Variants in COMMD1 observed in about 807,000 individuals in gnomAD.
COMMD1 encodes COMM domain-containing protein 1.
COMMD1 carries 10 observed loss-of-function variants against 17.2 expected under a neutral mutation model. The observed-to-expected ratio is 0.58, with a 90% confidence interval of 0.36 to 0.99. The LOEUF (loss-of-function observed/expected upper bound fraction) is 0.99, where lower values mean the gene tolerates loss of function less well. Ranked by LOEUF, COMMD1 falls within the 50% of genes least tolerant of loss-of-function variation. The probability of loss-of-function intolerance (pLI) is 0.01; values close to 1 mark genes in which losing one functional copy is unlikely to be tolerated. For synonymous variants in COMMD1, 97 were observed against 91.6 expected, an observed-to-expected ratio of 1.06 and a Z score of -0.34; for missense variants, 270 against 231.8, an observed-to-expected ratio of 1.17 and a Z score of -1.07.
At chr2:61,948,137 G>A (rs1330069321) in intron 1 of COMMD1, among the ~76,000 whole-genome samples, 1 of 151,986 alleles carries the variant, frequency 6.6e-6, no homozygotes, top group Admixed American at 6.6e-5. Context: ...TATTTTTGTT[G>A]TGTTTTTGTC....
chr2:62,132,079 G>A (rs758705865), intron 2 of COMMD1, among the ~76,000 whole-genome samples: 1 of 151,836 alleles, frequency 6.6e-6, no homozygotes, highest in Non-Finnish European at 1.5e-5. Flanking sequence ...AATAAAGATG[G>A]GGTTTCACCA....
chr2:61,928,749 G>A (rs1173681989), intron 1 of COMMD1: 4 of 152,156 alleles, frequency 2.6e-5, no homozygotes, highest in South Asian at 4.1e-4. Flanking sequence ...AGCCAAAGCA[G>A]TAAGGTCTCT....
chr2:62,065,527 T>C (rs746418829), intron 2 of COMMD1, among the ~76,000 whole-genome samples: 47 of 151,988 alleles, frequency 3.1e-4, no homozygotes, highest in Non-Finnish European at 4.3e-4. Context: ...GTCTCATATG[T>C]TGCCCAGCAT....
At chr2:61,906,009 C>T in intron 1 of COMMD1, 151 bp downstream of exon 1, 1 of 756,538 alleles carries the variant, frequency 1.3e-6, no homozygotes, top group Non-Finnish European at 2.3e-6. Flanking sequence ...CGGGCTCCTT[C>T]AGATTTGCTC....
chr2:62,055,456 G>A (rs1670667469), intron 2 of COMMD1: 1 of 455,930 alleles, frequency 2.2e-6, no homozygotes, highest in Admixed American at 2.3e-5. Flanking sequence ...TGCAACCAGT[G>A]ATTCACATTC....
intron 1 of COMMD1, among the ~76,000 whole-genome samples, chr2:61,951,871 A>AT (rs1403849492): frequency 6.6e-6 from 1 of 152,238 alleles, no homozygotes; most frequent in Non-Finnish European, 1.5e-5. Context: ...CTAGAGTTTT[A>AT]TATAAATGGA....
At chr2:61,975,841 A>C (rs1671786929) in intron 1 of COMMD1, among the ~76,000 whole-genome samples, 1 of 152,108 alleles carries the variant, frequency 6.6e-6, no homozygotes, top group African/African-American at 2.4e-5. Flanking sequence ...ACTTCGTATA[A>C]TTTCTATTCT....
chr2:62,052,654 A>T (rs770189702), intron 2 of COMMD1, among the ~76,000 whole-genome samples: 12 of 152,104 alleles, frequency 7.9e-5, no homozygotes, highest in African/African-American at 2.9e-4. Context: ...TACAGAGTTT[A>T]TTTTTTCACT....
intron 1 of COMMD1, among the ~76,000 whole-genome samples, chr2:61,921,446 T>C (rs574011648): frequency 6.6e-6 from 1 of 152,070 alleles, no homozygotes; most frequent in Non-Finnish European, 1.5e-5. Context: ...TATTTTGTTT[T>C]TGTTTTTGTT....
At chr2:61,891,116 A>T (rs1029300207) in intron 1 of COMMD1, among the ~76,000 whole-genome samples, 1 of 152,188 alleles carries the variant, frequency 6.6e-6, no homozygotes, top group African/African-American at 2.4e-5. Context: ...CATTTTCCTC[A>T]TCTGTAAAAT....
At chr2:61,901,657 CTTAT>C (rs1263513641), upstream of COMMD1, among the ~76,000 whole-genome samples, 2 of 152,106 alleles carry the variant, frequency 1.3e-5, no homozygotes, top group African/African-American at 4.8e-5. Flanking sequence ...GGACCTACTA[CTTAT>C]TTAATTTTTT....
At chr2:61,919,465 A>G (rs1670130976) in intron 1 of COMMD1, among the ~76,000 whole-genome samples, 1 of 148,626 alleles carries the variant, frequency 6.7e-6, no homozygotes, top group Non-Finnish European at 1.5e-5. Flanking sequence ...ACAGGCATGC[A>G]CTACTACACC....
At chr2:61,925,494 T>G (rs146367150) in intron 1 of COMMD1, among the ~76,000 whole-genome samples, 2,141 of 152,228 alleles carry the variant, frequency 0.014, 30 homozygotes, top group Non-Finnish European at 0.022. Context: ...CAGGAGGGTG[T>G]AGGTAAAGTT....
chr2:61,929,579 G>GGTTCA (rs1670412483), intron 1 of COMMD1, among the ~76,000 whole-genome samples: 1 of 152,032 alleles, frequency 6.6e-6, no homozygotes, highest in South Asian at 2.1e-4. Context: ...ACAATATTCA[G>GGTTCA]GTTCAACTGT....
intron 2 of COMMD1, among the ~76,000 whole-genome samples, chr2:62,119,683 A>G (rs1184321247): frequency 6.6e-6 from 1 of 152,204 alleles, no homozygotes; most frequent in Non-Finnish European, 1.5e-5. Flanking sequence ...AACCACATTG[A>G]GAAGGCTGGG....
At chr2:62,090,727 G>C (rs1671802546) in intron 2 of COMMD1, 1 of 152,294 alleles carries the variant, frequency 6.6e-6, no homozygotes, top group South Asian at 2.1e-4. Context: ...TTGGATATTA[G>C]AGGCCAAGTT....
intron 2 of COMMD1, among the ~76,000 whole-genome samples, chr2:62,057,715 A>G (rs1039318258): frequency 6.6e-6 from 1 of 151,310 alleles, no homozygotes; most frequent in African/African-American, 2.4e-5. Context: ...GATTACAGGC[A>G]TGCACCACCA....
intron 2 of COMMD1, among the ~76,000 whole-genome samples, chr2:62,120,053 A>G (rs770546443): frequency 6.6e-6 from 1 of 152,196 alleles, no homozygotes; most frequent in Non-Finnish European, 1.5e-5. Flanking sequence ...ACTGGAGTAC[A>G]GTGACCCGAT....
intron 2 of COMMD1, among the ~76,000 whole-genome samples, chr2:62,016,162 A>G (rs7602474): frequency 0.92 from 138,068 of 150,326 alleles, 63,391 homozygotes; most frequent in East Asian, 1. Context: ...AATCTTTTTT[A>G]TTTTTCTTTC....
Sources: gnomAD v4.1 joint callset for allele counts (sites outside exome capture counted in the v4.1 genomes callset) on GRCh38, gnomAD v4.1.1 for gene constraint, MANE v1.5 for transcripts, NCBI Gene and HGNC (gene_info 2026-07-23, HGNC 2026-07-21) for gene names.